The following PLK5 variants were observed in gnomAD, a reference collection of about 807,000 sequenced individuals.
The protein encoded by PLK5 is polo like kinase 5 (inactive), also known as inactive serine/threonine-protein kinase PLK5.
A neutral mutation model predicts 33.7 loss-of-function variants in PLK5; 28 were observed. The observed-to-expected ratio is 0.83, with a 90% CI of 0.62 to 1.14. PLK5 has a LOEUF of 1.14. PLK5 is among the 50% of genes most tolerant of loss of function. PLK5 has a pLI of 0.00. For missense variants in PLK5, 492 were observed against 461.5 expected, an observed-to-expected ratio of 1.07 and a Z score of -0.61; for synonymous variants, 225 against 202.2, an observed-to-expected ratio of 1.11 and a Z score of -0.96.
At chr19:1,528,802 T>A in intron 8 of PLK5, 96 bp from the exon 9 acceptor site, 1 of 1,002,526 alleles carries the variant, frequency 1.0e-6, no homozygotes, top group Non-Finnish European at 1.4e-6. Context: ...CTCCGCTCTG[T>A]CTCCACATCA....
In PLK5 at chr19:1,535,718, A is replaced by C. The variant is rs1180800359; in HGVS notation, c.*468A>C. ...GGCAACATGGCAAGACCCCATCTCT[A>C]CAAAAAATTAGCTGGGCATGGTGGC... On this transcript the variant is annotated 3_prime_UTR_variant, in exon 14 of 14. Coordinates refer to ENST00000454744, the MANE Select transcript of PLK5 (RefSeq NM_001243079.2). 5.8e-6 allele frequency: 1 copy of C among 173,702 alleles called. No individual in the cohort carries two copies. 10.8% of individuals were successfully genotyped at this position (173,702 alleles called of 1,614,324 possible). A position where few individuals can be genotyped will look rare whatever the true frequency, so the allele number is the denominator to read the frequency against.
chr19:1,528,227 C>T (rs1913804471), intron 7 of PLK5, 75 bp from the exon 8 acceptor site: 22 of 1,534,570 alleles, frequency 1.4e-5, no homozygotes, highest in Non-Finnish European at 1.7e-5. Flanking sequence ...GGAGGCCCCG[C>T]CCTGTCCCAG....
In PLK5 at chr19:1,528,903, T is replaced by C; in HGVS notation, c.334T>C (p.Phe112Leu). The change falls in exon 9 of 14, where the codon TTC becomes CTC. Residue 112 changes from phenylalanine (F) to leucine (L), a missense_variant. By Grantham distance (22) the Phe-to-Leu change is conservative (BLOSUM62 0). Coordinates refer to ENST00000454744, the MANE Select transcript of PLK5 (RefSeq NM_001243079.2). Reference protein sequence around the residue: ...LLTQCRPPCPFTPKEASGPGE... With the variant: ...LLTQCRPPCPLTPKEASGPGE... ...AGGCCTTGTGCCTCCCTCAGGCCCC[T>C]TCACGCCTAAAGAGGCCTCGGGTCC... The C allele has an allele frequency of 6.6e-7, 1 of 1,508,996 alleles. No homozygotes were observed. The allele number at this position is 1,508,996 out of a possible 1,614,324, so 93.5% of individuals were successfully genotyped here. A position where few individuals can be genotyped will look rare whatever the true frequency, so the allele number is the denominator to read the frequency against.
At chr19:1,532,521 CTTTT>C (rs10545181) in intron 12 of PLK5, among the ~76,000 whole-genome samples, 2,135 of 118,754 alleles carry the variant, frequency 0.018, 49 homozygotes, top group African/African-American at 0.058. Flanking sequence ...AAATTTTCTT[CTTTT>C]TTTTTTTTTT....
At position 1,524,134 on chromosome 19, in the gene PLK5, G is replaced by A. The variant is rs1913663675; in HGVS notation, c.-656G>A. 2.7e-5 allele frequency: 4 copies of A among 150,938 alleles called. No individual in the cohort carries two copies. In the South Asian group the frequency reaches 8.3e-4, roughly 31 times the overall value. 9.3% of individuals were successfully genotyped at this position (150,938 alleles called of 1,614,324 possible). On this transcript the variant is annotated 5_prime_UTR_variant, in exon 1 of 14. Coordinates refer to ENST00000454744, the MANE Select transcript of PLK5 (RefSeq NM_001243079.2). The surrounding 1 kb of genome is among the most constrained non-coding windows in gnomAD (Gnocchi z 4.5). Reference sequence around the variant, plus strand: ...TCTCGGCCCGGCTGCGCCAGAGTCCGCGCGATGGAGCCCCGGCCGCGGCGG... The same window carrying A: ...TCTCGGCCCGGCTGCGCCAGAGTCCACGCGATGGAGCCCCGGCCGCGGCGG...
At position 1,529,408 on chromosome 19, in the gene PLK5, C is replaced by T. The variant is rs887886197; in HGVS notation, c.408C>T (p.Ser136=). Reference sequence around the variant, plus strand: ...CACCCCTGCTGCTCCCACCTCAGAGCTCCCTGTCTGCGAAAGAGGTTCCCT... The same window carrying T: ...CACCCCTGCTGCTCCCACCTCAGAGTTCCCTGTCTGCGAAAGAGGTTCCCT... The part of the protein sequence containing the change: ...DPDSMEWDGE[S]SLSAKEVPCL... Residue 136 remains serine (S), a splice_region_variant and synonymous_variant, in exon 10 of 14, where the codon AGC becomes AGT. Coordinates refer to ENST00000454744, the MANE Select transcript of PLK5 (RefSeq NM_001243079.2). 25 of 1,535,658 alleles carry T rather than the reference C, an allele frequency of 1.6e-5. No individual in the cohort carries two copies. The African/African-American group carries it at 3.3e-4, about 20-fold the overall frequency.
At chr19:1,532,016 C>A (rs1051509073) in intron 12 of PLK5, 133 bp downstream of exon 12, 6 of 1,039,858 alleles carry the variant, frequency 5.8e-6, no homozygotes, top group African/African-American at 3.4e-5. Flanking sequence ...GAGAACAACA[C>A]TAAACGAATC....
intron 3 of PLK5, 42 bp from the exon 4 acceptor site, chr19:1,526,444 C>T (rs1200624351): frequency 8.7e-6 from 2 of 229,382 alleles, no homozygotes; most frequent in South Asian, 4.6e-5. Context: ...CCAGGCTGAG[C>T]TTACATTTGC....
intron 11 of PLK5, among the ~76,000 whole-genome samples, 153 bp from the exon 12 acceptor site, chr19:1,531,585 C>A (rs1273300209): frequency 6.6e-6 from 1 of 152,158 alleles, no homozygotes; most frequent in African/African-American, 2.4e-5. Context: ...GATGTCTGGT[C>A]TCCTAGAATC....
In PLK5 at chr19:1,533,929, A is replaced by G. The variant is rs1914008969; in HGVS notation, c.715-2A>G. 1 of 1,532,860 alleles carries G rather than the reference A, an allele frequency of 6.5e-7. No homozygotes were observed. The highest frequency in any genetic ancestry group is 8.7e-7 in the Non-Finnish European group (1 of 1,145,658). 95.0% of individuals were successfully genotyped at this position (1,532,860 alleles called of 1,614,324 possible). On this transcript the variant is annotated splice_acceptor_variant, in intron 12 of 13. Coordinates refer to ENST00000454744, the MANE Select transcript of PLK5 (RefSeq NM_001243079.2). LOFTEE classifies it high-confidence loss of function. ...CGTGACCTCAGCCGAGTCTGTCCAC[A>G]GGAGGGGACCCTCCCCACACCTGTG...
chr19:1,528,273 C>T lies in PLK5; in HGVS notation c.202-29C>T, dbSNP rs949779977. The T allele has an allele frequency of 9.1e-6, 14 of 1,535,762 alleles. No homozygotes were observed. The East Asian group carries it at 9.8e-5, about 11-fold the overall frequency. ...TGCTCAGGGGCTGGGTGACCTAAGCCGGGGATAACCCCAAATCCCCATCCA... is the reference window on the plus strand; with the variant it reads ...TGCTCAGGGGCTGGGTGACCTAAGCTGGGGATAACCCCAAATCCCCATCCA... On this transcript the variant is annotated intron_variant, in intron 7 of 13. Transcript: ENST00000454744.
Position 1,534,456 on chromosome 19 carries a change from G to C in PLK5, c.825+415G>C, listed in dbSNP as rs1205705659. Among the ~76,000 whole-genome samples, 11 of 146,458 alleles carry C rather than the reference G, an allele frequency of 7.5e-5. No individual in the cohort carries two copies. In the East Asian group the frequency reaches 1.6e-3, roughly 22 times the overall value. ...TGGCAGGCGGAGGTTGCAGTGAGCC[G>C]AGATCACGCCACAGCACTCCAGCCT... On this transcript the variant is annotated intron_variant, in intron 13 of 13. Coordinates refer to ENST00000454744, the MANE Select transcript of PLK5 (RefSeq NM_001243079.2).
chr19:1,533,760 T>C, intron 12 of PLK5, 171 bp from the exon 13 acceptor site: 1 of 616,186 alleles, frequency 1.6e-6, no homozygotes, highest in Non-Finnish European at 2.9e-6. Flanking sequence ...CTGGAAGCCT[T>C]CGCCCTGAGG....
chr19:1,528,771 C>T, intron 8 of PLK5, 127 bp from the exon 9 acceptor site: 1 of 882,214 alleles, frequency 1.1e-6, no homozygotes, highest in Non-Finnish European at 1.7e-6. Flanking sequence ...ACACCTCCCA[C>T]CTGCCCACAA....
intron 11 of PLK5, among the ~76,000 whole-genome samples, chr19:1,530,710 C>G (rs1913903750): frequency 1.3e-5 from 2 of 148,304 alleles, no homozygotes; most frequent in South Asian, 4.3e-4. Flanking sequence ...AGCTCTGCCT[C>G]CCGGGTTCAC....
rs1311625800 is a variant in PLK5 at position 1,531,928 on chromosome 19, T to C, written c.714+45T>C. On this transcript the variant is annotated intron_variant, in intron 12 of 13. Transcript: ENST00000454744. ...GCCCTGGGGGACCAGGCACTCCCCC[T>C]GCCTTTTTTCATTCATCTCTCAAGT... 2.1e-6 allele frequency: 3 copies of C among 1,421,624 alleles called. No homozygotes were observed. In the African/African-American group the frequency reaches 4.4e-5, roughly 21 times the overall value. The allele number at this position is 1,421,624 out of a possible 1,614,324, so 88.1% of individuals were successfully genotyped here.
chr19:1,534,778 C>A (rs527836151), intron 13 of PLK5, among the ~76,000 whole-genome samples: 1 of 151,726 alleles, frequency 6.6e-6, no homozygotes, highest in African/African-American at 2.4e-5. Flanking sequence ...GATCGCGCCA[C>A]TGCACTCCAG....
chr19:1,528,362 C>A lies in PLK5; in HGVS notation c.262C>A (p.Pro88Thr), dbSNP rs771178797. The change falls in exon 8 of 14, where the codon CCC becomes ACC. Residue 88 changes from proline to threonine, a missense_variant. Physicochemically the swap from Pro to Thr is conservative, Grantham distance 38 (BLOSUM62 -1). Coordinates refer to ENST00000454744, the MANE Select transcript of PLK5 (RefSeq NM_001243079.2). ...SCHSPPIFAI[P>T]PPLGRIFRKV... ...CCACAGTCCCCCCATCTTCGCCATACCCCCGCCTCTGGGCAGGATCTTCCG... is the reference window on the plus strand; with the variant it reads ...CCACAGTCCCCCCATCTTCGCCATAACCCCGCCTCTGGGCAGGATCTTCCG... 13 of 1,535,592 alleles carry A rather than the reference C, an allele frequency of 8.5e-6. No individual in the cohort carries two copies. The highest frequency in any genetic ancestry group is 8.3e-5 in the South Asian group (7 of 84,056).
intron 8 of PLK5, 143 bp from the exon 9 acceptor site, chr19:1,528,755 C>T: frequency 3.6e-6 from 3 of 835,068 alleles, no homozygotes; most frequent in Non-Finnish European, 5.4e-6. Context: ...CACCTCCCGC[C>T]TGCCCACACC....
Sources: allele counts gnomAD v4.1 joint callset (sites outside exome capture counted in the v4.1 genomes callset), GRCh38; gene constraint gnomAD v4.1.1; non-coding constraint Gnocchi (gnomAD v3.1); transcripts MANE v1.5; gene names NCBI Gene and HGNC (gene_info 2026-07-23, HGNC 2026-07-21).